The following CCBE1 variants were observed in gnomAD, a reference collection of about 807,000 sequenced individuals.
CCBE1 encodes collagen and calcium-binding EGF domain-containing protein 1.
In CCBE1, 37 loss-of-function variants were observed where a neutral mutation model predicts 50.0. The observed-to-expected ratio is 0.74, with a 90% CI of 0.57 to 0.97. The LOEUF (loss-of-function observed/expected upper bound fraction) is 0.97, where lower values mean the gene tolerates loss of function less well. Ranked by LOEUF, CCBE1 falls within the 50% of genes least tolerant of loss-of-function variation. CCBE1 has a pLI of 0.00. For synonymous variants in CCBE1, 234 were observed against 203.7 expected (o/e 1.15, Z -1.27); for missense variants, 538 against 523.8 (o/e 1.03, Z -0.26).
intron 2 of CCBE1, among the ~76,000 whole-genome samples, chr18:59,642,940 C>T (rs1360868234): frequency 1.9e-5 from 2 of 107,054 alleles, no homozygotes; most frequent in Admixed American, 2.2e-4. Context: ...CAGAGTGAGA[C>T]TCCACCTCAA....
chr18:59,613,727 C>T (rs1415649142), intron 2 of CCBE1, among the ~76,000 whole-genome samples: 2 of 151,468 alleles, frequency 1.3e-5, no homozygotes, highest in African/African-American at 4.9e-5. Flanking sequence ...AGTGAGACCC[C>T]ATCTTTATTA....
At chr18:59,684,064 G>A (rs1397513608) in intron 2 of CCBE1, among the ~76,000 whole-genome samples, 6 of 152,098 alleles carry the variant, frequency 3.9e-5, no homozygotes, top group African/African-American at 1.4e-4. Flanking sequence ...TATATTTTAT[G>A]GCCTGAAAAT....
intron 2 of CCBE1, among the ~76,000 whole-genome samples, chr18:59,532,398 C>T (rs1404093789): frequency 3.3e-5 from 5 of 152,096 alleles, no homozygotes; most frequent in African/African-American, 1.2e-4. Context: ...TGTTGATAAA[C>T]GTGGTTTGCC....
At chr18:59,452,180 G>T (rs1426169648) in intron 6 of CCBE1, among the ~76,000 whole-genome samples, 1 of 152,226 alleles carries the variant, frequency 6.6e-6, no homozygotes, top group Non-Finnish European at 1.5e-5. Context: ...GTTTCATGCT[G>T]TGGGGTTGGC....
chr18:59,696,983 G>A (rs376929204), intron 1 of CCBE1, among the ~76,000 whole-genome samples: 2 of 152,210 alleles, frequency 1.3e-5, no homozygotes, highest in East Asian at 1.9e-4. Flanking sequence ...GCAGGAACGC[G>A]GGGCGAAGGG....
At chr18:59,596,366 C>T (rs2144548954) in intron 2 of CCBE1, among the ~76,000 whole-genome samples, 1 of 152,278 alleles carries the variant, frequency 6.6e-6, no homozygotes, top group Admixed American at 6.5e-5. Context: ...AATCATTAGT[C>T]TTCCTTGTTC....
intron 2 of CCBE1, among the ~76,000 whole-genome samples, chr18:59,551,302 A>G (rs564968551): frequency 2.6e-5 from 4 of 152,304 alleles, no homozygotes; most frequent in African/African-American, 9.6e-5. Flanking sequence ...AAGGTACAGT[A>G]AACATATAAA....
intron 2 of CCBE1, chr18:59,666,299 T>C (rs1430182303): frequency 6.6e-6 from 1 of 152,176 alleles, no homozygotes; most frequent in Non-Finnish European, 1.5e-5. Context: ...TCATGGCACA[T>C]GGGAATTGTG....
At chr18:59,487,087 AAGCAACG>A (rs1162263011) in intron 2 of CCBE1, among the ~76,000 whole-genome samples, 1 of 149,300 alleles carries the variant, frequency 6.7e-6, no homozygotes. Flanking sequence ...TTTCATTCCA[AAGCAACG>A]AGCTCCTTCT....
At chr18:59,595,853 C>G (rs2053342986) in intron 2 of CCBE1, among the ~76,000 whole-genome samples, 1 of 152,180 alleles carries the variant, frequency 6.6e-6, no homozygotes, top group African/African-American at 2.4e-5. Context: ...GTGGGTACCA[C>G]AGTGGTGGCC....
chr18:59,500,624 C>T (rs1437191552), intron 2 of CCBE1, among the ~76,000 whole-genome samples: 2 of 152,154 alleles, frequency 1.3e-5, no homozygotes, highest in Non-Finnish European at 2.9e-5. Flanking sequence ...TTTGATAAAA[C>T]CTGGAAATCC....
At chr18:59,498,308 G>A (rs1207752837) in intron 2 of CCBE1, among the ~76,000 whole-genome samples, 2 of 152,106 alleles carry the variant, frequency 1.3e-5, no homozygotes, top group African/African-American at 2.4e-5. Flanking sequence ...ACAATTTTGA[G>A]AAATAATAAT....
intron 2 of CCBE1, among the ~76,000 whole-genome samples, chr18:59,662,769 A>G (rs556936572): frequency 1.3e-4 from 20 of 152,350 alleles, no homozygotes; most frequent in East Asian, 5.8e-4. Context: ...AAGCGAGTTT[A>G]TAGGTAATTC....
chr18:59,446,214 T>C (rs1176762299), intron 7 of CCBE1, among the ~76,000 whole-genome samples: 1 of 152,230 alleles, frequency 6.6e-6, no homozygotes, highest in African/African-American at 2.4e-5. Flanking sequence ...ACAAGCCAGA[T>C]GGCAGCATTG....
chr18:59,617,467 G>A (rs755902708), intron 2 of CCBE1, among the ~76,000 whole-genome samples: 6 of 152,242 alleles, frequency 3.9e-5, no homozygotes, highest in Non-Finnish European at 8.8e-5. Flanking sequence ...AACAGGAAAT[G>A]TGAGAAAGGT....
At chr18:59,579,094 G>A (rs1010726832) in intron 2 of CCBE1, among the ~76,000 whole-genome samples, 4 of 152,080 alleles carry the variant, frequency 2.6e-5, no homozygotes, top group African/African-American at 4.8e-5. Flanking sequence ...TGCGCTCTCA[G>A]AATACTAGAT....
At chr18:59,556,716 T>C (rs780814562) in intron 2 of CCBE1, among the ~76,000 whole-genome samples, 4 of 152,206 alleles carry the variant, frequency 2.6e-5, no homozygotes, top group Non-Finnish European at 5.9e-5. Context: ...TACATTGTCA[T>C]AGTAACTCTT....
intron 2 of CCBE1, among the ~76,000 whole-genome samples, chr18:59,558,606 A>G (rs1435486396): frequency 4.6e-5 from 7 of 152,204 alleles, no homozygotes; most frequent in Admixed American, 2.0e-4. Flanking sequence ...CTGATGCTGT[A>G]CAGGGGCTCT....
chr18:59,652,135 C>T (rs2054135171), intron 2 of CCBE1, among the ~76,000 whole-genome samples: 1 of 152,130 alleles, frequency 6.6e-6, no homozygotes, highest in Non-Finnish European at 1.5e-5. Flanking sequence ...TTGTTCCTGG[C>T]TTATTTCATT....
Sources: allele counts gnomAD v4.1 joint callset (sites outside exome capture counted in the v4.1 genomes callset), GRCh38; gene constraint gnomAD v4.1.1; transcripts MANE v1.5; gene names NCBI Gene and HGNC (gene_info 2026-07-23, HGNC 2026-07-21).